Variants in BLTP1 observed in about 807,000 individuals in gnomAD.
The protein encoded by BLTP1 is fragile site-associated protein.
chr4:122,252,632 G>A, the BLTP1 span, among the ~76,000 whole-genome samples: 5 of 152,194 alleles, frequency 3.3e-5, no homozygotes, highest in African/African-American at 1.2e-4. Context: ...GCTCAGCCAT[G>A]GTAGAATAAA....
At chr4:122,309,089 C>G in the BLTP1 span, 2 of 369,088 alleles carry the variant, frequency 5.4e-6, no homozygotes, top group Non-Finnish European at 7.5e-6. Context: ...ATGCACATGG[C>G]AAGTACATTG....
chr4:122,287,016 A>G, the BLTP1 span, among the ~76,000 whole-genome samples: 1 of 152,188 alleles, frequency 6.6e-6, no homozygotes, highest in Non-Finnish European at 1.5e-5. Flanking sequence ...AAAAATATGT[A>G]TTAGTTATGT....
At chr4:122,250,647 A>G in the BLTP1 span, 4 of 1,440,086 alleles carry the variant, frequency 2.8e-6, no homozygotes, top group Non-Finnish European at 3.8e-6. Flanking sequence ...TGCAATTCAA[A>G]ATTAGTTTCT....
chr4:122,254,608 T>C, the BLTP1 span: 45 of 769,360 alleles, frequency 5.8e-5, no homozygotes, highest in Non-Finnish European at 6.9e-5. Flanking sequence ...TCTGACAGGC[T>C]TTTTTTTTTC....
chr4:122,244,153 A>T, the BLTP1 span: 1 of 1,019,090 alleles, frequency 9.8e-7, no homozygotes, highest in Non-Finnish European at 1.3e-6. Context: ...ATATATGTTC[A>T]TATAGAAGAT....
the BLTP1 span, chr4:122,346,879 A>T: frequency 2.8e-5 from 42 of 1,482,116 alleles, no homozygotes; most frequent in Non-Finnish European, 3.5e-5. Context: ...CATTCAAGAA[A>T]TGTCCATTGG....
At chr4:122,190,248 C>A in the BLTP1 span, 1 of 573,246 alleles carries the variant, frequency 1.7e-6, no homozygotes, top group Non-Finnish European at 2.2e-6. Flanking sequence ...AGGAATATGC[C>A]ACTATGCCTG....
chr4:122,358,125 C>A, the BLTP1 span, among the ~76,000 whole-genome samples: 1 of 152,114 alleles, frequency 6.6e-6, no homozygotes, highest in African/African-American at 2.4e-5. Context: ...AGATACCAGT[C>A]ACTGGCAATC....
At chr4:122,174,139 C>G in the BLTP1 span, 1 of 939,494 alleles carries the variant, frequency 1.1e-6, no homozygotes, top group Non-Finnish European at 1.3e-6. Flanking sequence ...ACCATTCTAA[C>G]CTGCCTTATA....
chr4:122,300,384 C>T, the BLTP1 span, among the ~76,000 whole-genome samples: 1 of 152,060 alleles, frequency 6.6e-6, no homozygotes, highest in Non-Finnish European at 1.5e-5. Context: ...ATCTCTTCAT[C>T]CATATCATTC....
chr4:122,316,669 G>C, the BLTP1 span: 407 of 1,564,502 alleles, frequency 2.6e-4, 2 homozygotes, highest in African/African-American at 5.0e-3. Flanking sequence ...TTAATTTTGT[G>C]ATAGTATAGA....
the BLTP1 span, chr4:122,238,047 T>A: frequency 1.9e-6 from 3 of 1,584,096 alleles, no homozygotes; most frequent in Non-Finnish European, 2.6e-6. Context: ...TATAAACTGC[T>A]GTTGAGATTT....
chr4:122,163,817 A>G, the BLTP1 span, among the ~76,000 whole-genome samples: 1 of 152,182 alleles, frequency 6.6e-6, no homozygotes, highest in African/African-American at 2.4e-5. Flanking sequence ...TTTAATCCAT[A>G]TAGTGATCTG....
the BLTP1 span, chr4:122,272,198 T>C: frequency 6.2e-7 from 1 of 1,613,182 alleles, no homozygotes. Flanking sequence ...TAAAGTTGTG[T>C]TTGAGAATGA....
the BLTP1 span, among the ~76,000 whole-genome samples, chr4:122,195,357 CA>C: frequency 6.6e-6 from 1 of 152,086 alleles, no homozygotes. Context: ...AGTTGAAATA[CA>C]AACTGTTTTA....
chr4:122,294,128 G>C, the BLTP1 span, among the ~76,000 whole-genome samples: 3 of 152,028 alleles, frequency 2.0e-5, no homozygotes, highest in Non-Finnish European at 4.4e-5. Context: ...CTCTCCCTGG[G>C]GGGTGGGGCG....
At chr4:122,242,573 CA>C in the BLTP1 span, among the ~76,000 whole-genome samples, 99 of 152,244 alleles carry the variant, frequency 6.5e-4, 1 homozygote, top group African/African-American at 2.2e-3. Flanking sequence ...TAGTCAGGTT[CA>C]TTTATTTATT....
chr4:122,255,226 T>A, the BLTP1 span: 1 of 1,613,316 alleles, frequency 6.2e-7, no homozygotes, highest in South Asian at 1.1e-5. Flanking sequence ...TACTATGTAA[T>A]ATACTACACC....
the BLTP1 span, among the ~76,000 whole-genome samples, chr4:122,169,269 G>C: frequency 6.6e-6 from 1 of 152,146 alleles, no homozygotes; most frequent in Non-Finnish European, 1.5e-5. Flanking sequence ...CTTGTTTTGT[G>C]ATGTCCAAAG....
Sources: gnomAD v4.1 joint callset for allele counts (sites outside exome capture counted in the v4.1 genomes callset) on GRCh38, gnomAD v4.1.1 for gene constraint, MANE v1.5 for transcripts, NCBI Gene and HGNC (gene_info 2026-07-23, HGNC 2026-07-21) for gene names.